Variants in ZNF420 observed in about 807,000 individuals in gnomAD.
ZNF420 encodes zinc finger protein 420.
Under a neutral mutation model 44.7 loss-of-function variants are expected in ZNF420, and 31 were observed. The observed-to-expected ratio is 0.69, with a 90% CI of 0.52 to 0.94. The LOEUF is 0.94. ZNF420 is among the 40% of genes least tolerant of loss of function. The pLI, the probability that ZNF420 is intolerant of heterozygous loss-of-function variation, is 0.00. For missense variants in ZNF420, 681 were observed against 827.9 expected (o/e 0.82, Z 2.18); for synonymous variants, 245 against 267.4 (o/e 0.92, Z 0.82).
Position 37,129,778 on chromosome 19 carries a change from G to T in ZNF420, c.*720G>T. 3.4e-6 allele frequency: 1 copy of T among 294,662 alleles called. No individual in the cohort carries two copies. The highest frequency in any genetic ancestry group is 6.1e-6 in the Non-Finnish European group (1 of 163,916). The allele number at this position is 294,662 out of a possible 1,614,324, so 18.3% of individuals were successfully genotyped here. ...AAAAAAAACCCAGTGGATGTAATCAGTGTATTATTGAGCACAGCTGTTAGA... is the reference window on the plus strand; with the variant it reads ...AAAAAAAACCCAGTGGATGTAATCATTGTATTATTGAGCACAGCTGTTAGA... On this transcript the variant is annotated 3_prime_UTR_variant, in exon 5 of 5. Coordinates refer to ENST00000337995, the MANE Select transcript of ZNF420 (RefSeq NM_144689.5).
At chr19:37,115,501 G>C (rs1169589457) in intron 4 of ZNF420, among the ~76,000 whole-genome samples, 1 of 151,844 alleles carries the variant, frequency 6.6e-6, no homozygotes. Flanking sequence ...TTTAAGGAAA[G>C]GTGCTGTGCC....
At chr19:37,116,368 C>CAAAAAAA (rs57611154) in intron 4 of ZNF420, among the ~76,000 whole-genome samples, 12 of 75,908 alleles carry the variant, frequency 1.6e-4, no homozygotes, top group African/African-American at 5.2e-4. Flanking sequence ...GACTCCACCT[C>CAAAAAAA]AAAAAAAAAA....
chr19:37,059,717 T>C (rs1196407362), intron 1 of ZNF420, among the ~76,000 whole-genome samples: 1 of 152,156 alleles, frequency 6.6e-6, no homozygotes, highest in Non-Finnish European at 1.5e-5. Flanking sequence ...GGGTCGTTCT[T>C]GCGGAGAGCA....
At chr19:37,043,533 AT>A (rs1239285680) in intron 1 of ZNF420, among the ~76,000 whole-genome samples, 1 of 151,710 alleles carries the variant, frequency 6.6e-6, no homozygotes, top group East Asian at 1.9e-4. Context: ...TTATTTATTT[AT>A]TTTTTTTAGA....
chr19:37,008,393 G>A lies in ZNF420; in HGVS notation c.-125+311G>A, dbSNP rs375443433. Among the ~76,000 whole-genome samples, 15 of 152,236 alleles carry A rather than the reference G, an allele frequency of 9.9e-5. No homozygotes were observed. In the East Asian group the frequency reaches 1.4e-3, roughly 14 times the overall value. ...ATTTCTTGCATGTCGGCCTGTCTTT[G>A]GTGAGCCTCTTTCTGCATCTCTGCC... On this transcript the variant is annotated intron_variant, in intron 1 of 4. Coordinates refer to the ZNF420 transcript ENST00000587029.
chr19:37,048,068 A>AC (rs1405447785), intron 1 of ZNF420, among the ~76,000 whole-genome samples: 1 of 152,108 alleles, frequency 6.6e-6, no homozygotes, highest in Non-Finnish European at 1.5e-5. Context: ...TTTTTTTAAA[A>AC]CCTTTAGCTG....
chr19:37,053,380 C>A (rs1219056805), intron 1 of ZNF420, among the ~76,000 whole-genome samples: 1 of 152,244 alleles, frequency 6.6e-6, no homozygotes, highest in East Asian at 1.9e-4. Flanking sequence ...CATTTTCCAT[C>A]CAGCTTTGTT....
At chr19:37,020,199 A>G (rs920916704) in intron 1 of ZNF420, among the ~76,000 whole-genome samples, 1 of 146,414 alleles carries the variant, frequency 6.8e-6, no homozygotes, top group Non-Finnish European at 1.5e-5. Context: ...CCTGGGCGAC[A>G]GAGTGAGACT....
chr19:37,096,050 C>G (rs548705730), intron 4 of ZNF420: 17 of 152,154 alleles, frequency 1.1e-4, no homozygotes, highest in Non-Finnish European at 2.4e-4. Flanking sequence ...GATATTATTC[C>G]ACTGTCCTCT....
chr19:37,124,922 C>T (rs1019049964), intron 4 of ZNF420, among the ~76,000 whole-genome samples: 2 of 152,026 alleles, frequency 1.3e-5, no homozygotes, highest in South Asian at 2.1e-4. Flanking sequence ...CTGCAACCTC[C>T]GCCTCCCAGG....
At chr19:37,061,548 G>A (rs1215214448) in intron 1 of ZNF420, among the ~76,000 whole-genome samples, 2 of 152,112 alleles carry the variant, frequency 1.3e-5, no homozygotes, top group African/African-American at 4.8e-5. Context: ...AACAAGCAAA[G>A]AAAAGAATTC....
chr19:37,051,049 C>A lies in ZNF420; in HGVS notation c.-124-29296C>A, dbSNP rs191525200. ...TATTGATTTGCATATGTTGAACCAG[C>A]CTTGCATGCCAGGGATGAAGCCCAC... On this transcript the variant is annotated intron_variant, in intron 1 of 4. Transcript: ENST00000587029. Among the ~76,000 whole-genome samples, 340 of 152,248 alleles carry A rather than the reference C, an allele frequency of 2.2e-3. 2 individuals are homozygous for A. Among genetic ancestry groups the A allele is most frequent in the African/African-American group, 7.9e-3 (330 of 41,552 alleles).
intron 1 of ZNF420, among the ~76,000 whole-genome samples, chr19:37,023,299 T>C (rs2074662937): frequency 6.6e-6 from 1 of 152,186 alleles, no homozygotes; most frequent in Non-Finnish European, 1.5e-5. Context: ...ATCCTCTCAA[T>C]TTTCCTCTAT....
upstream of ZNF420, chr19:37,078,170 G>A (rs1468863358): frequency 3.3e-5 from 5 of 152,314 alleles, no homozygotes; most frequent in Admixed American, 6.5e-5. Flanking sequence ...CGCTCTCGCA[G>A]GCCCTGAGCG....
chr19:37,076,619 T>G (rs1169996775), upstream of ZNF420, among the ~76,000 whole-genome samples: 2 of 152,096 alleles, frequency 1.3e-5, no homozygotes, highest in Non-Finnish European at 2.9e-5. Flanking sequence ...TGAGAACATG[T>G]GGTGTTTGGT....
chr19:37,100,535 A>G (rs1327704839), intron 4 of ZNF420, among the ~76,000 whole-genome samples: 3 of 152,112 alleles, frequency 2.0e-5, no homozygotes, highest in Non-Finnish European at 4.4e-5. Context: ...CAACATGGCG[A>G]AACCCCATCT....
At chr19:37,086,028 C>G (rs1348077415) in intron 2 of ZNF420, among the ~76,000 whole-genome samples, 2 of 151,462 alleles carry the variant, frequency 1.3e-5, no homozygotes, top group Non-Finnish European at 2.9e-5. Context: ...TCTCAAACTT[C>G]TGGCCTCAAG....
intron 1 of ZNF420, among the ~76,000 whole-genome samples, chr19:37,029,539 CT>C (rs1001089079): frequency 3.3e-5 from 5 of 150,272 alleles, no homozygotes; most frequent in African/African-American, 7.3e-5. Flanking sequence ...TTTTCTTTTT[CT>C]TTTTTTTCTT....
intron 1 of ZNF420, among the ~76,000 whole-genome samples, chr19:37,055,008 C>A (rs780457645): frequency 1.1e-4 from 16 of 151,990 alleles, no homozygotes; most frequent in Non-Finnish European, 1.8e-4. Context: ...TGTCCAGGAA[C>A]AAAAAGAGAC....
Sources: allele counts gnomAD v4.1 joint callset (sites outside exome capture counted in the v4.1 genomes callset), GRCh38; gene constraint gnomAD v4.1.1; transcripts MANE v1.5; gene names NCBI Gene and HGNC (gene_info 2026-07-23, HGNC 2026-07-21).